SDK1: variants seen among roughly 807,000 people sequenced by gnomAD.
SDK1 encodes sidekick cell adhesion molecule 1, also known as protein sidekick-1.
SDK1 carries 157 observed loss-of-function variants against 245.5 expected under a neutral mutation model. The ratio of observed to expected loss-of-function variants is 0.64; its 90% CI spans 0.56 to 0.73. The LOEUF is 0.73. Ranked by LOEUF, SDK1 falls within the 30% of genes least tolerant of loss-of-function variation. SDK1 has a pLI of 0.00. For missense variants in SDK1, 3,583 were observed against 3,002.3 expected (o/e 1.19, Z -4.52); for synonymous variants, 1,647 against 1,278.5 (o/e 1.29, Z -6.15).
At chr7:4,047,736 G>A (rs1789124595) in intron 17 of SDK1, among the ~76,000 whole-genome samples, 1 of 152,190 alleles carries the variant, frequency 6.6e-6, no homozygotes, top group African/African-American at 2.4e-5. Flanking sequence ...CTGACTCCTT[G>A]GACAGGCCCA....
intron 44 of SDK1, among the ~76,000 whole-genome samples, chr7:4,248,568 C>G (rs1024104757): frequency 6.6e-6 from 1 of 151,908 alleles, no homozygotes; most frequent in African/African-American, 2.4e-5. Flanking sequence ...ACCTATACAC[C>G]TGAATACATG....
At chr7:3,574,024 C>T (rs931193166) in intron 1 of SDK1, among the ~76,000 whole-genome samples, 3 of 152,034 alleles carry the variant, frequency 2.0e-5, no homozygotes, top group Non-Finnish European at 4.4e-5. Context: ...TTCGGTTCTG[C>T]AGATAGGTTG....
intron 1 of SDK1, among the ~76,000 whole-genome samples, chr7:3,596,702 T>C (rs1409319817): frequency 6.6e-6 from 1 of 151,910 alleles, no homozygotes; most frequent in African/African-American, 2.4e-5. Context: ...GAAATCAAAA[T>C]GTTAAAAGAA....
chr7:4,023,156 C>T (rs894552393), intron 17 of SDK1, among the ~76,000 whole-genome samples: 6 of 152,204 alleles, frequency 3.9e-5, no homozygotes, highest in African/African-American at 1.2e-4. Flanking sequence ...CGCAAGCTCT[C>T]GGCATGGGCT....
At chr7:4,045,199 T>C (rs1287726586) in intron 17 of SDK1, among the ~76,000 whole-genome samples, 1 of 152,162 alleles carries the variant, frequency 6.6e-6, no homozygotes, top group Non-Finnish European at 1.5e-5. Context: ...ATGTTTGCAG[T>C]TTGGGGTGAT....
At chr7:4,011,140 G>A (rs1163875345) in intron 15 of SDK1, 27 bp downstream of exon 15, 2 of 1,610,178 alleles carry the variant, frequency 1.2e-6, no homozygotes, top group Non-Finnish European at 1.7e-6. Context: ...CCAGGTGGGG[G>A]TGTGGAACAG....
At chr7:3,377,892 C>T (rs1221330242) in intron 1 of SDK1, among the ~76,000 whole-genome samples, 3 of 152,134 alleles carry the variant, frequency 2.0e-5, no homozygotes, top group South Asian at 2.1e-4. Flanking sequence ...AATTCTCCTG[C>T]GTCAGCCTCC....
chr7:3,584,830 T>C (rs1583195930), intron 1 of SDK1, among the ~76,000 whole-genome samples: 1 of 152,120 alleles, frequency 6.6e-6, no homozygotes, highest in East Asian at 1.9e-4. Context: ...TTCACGCCGT[T>C]CTGCTGCCTC....
intron 1 of SDK1, among the ~76,000 whole-genome samples, chr7:3,434,824 C>A (rs570575916): frequency 2.0e-5 from 3 of 152,090 alleles, no homozygotes; most frequent in East Asian, 1.9e-4. Context: ...ACAGAGCACA[C>A]CCTAGTGGAG....
chr7:3,603,571 G>C (rs1781317847), intron 1 of SDK1, among the ~76,000 whole-genome samples: 1 of 152,044 alleles, frequency 6.6e-6, no homozygotes, highest in African/African-American at 2.4e-5. Flanking sequence ...ATCAGCTTGA[G>C]GAGATTTTGG....
In SDK1 at chr7:3,868,271, C is replaced by T. The variant is rs569782596; in HGVS notation, c.847+46688C>T. Among the ~76,000 whole-genome samples the T allele has an allele frequency of 2.6e-5, 4 of 152,224 alleles. No homozygotes were observed. The South Asian group carries it at 8.3e-4, about 32-fold the overall frequency. On this transcript the variant is annotated intron_variant, in intron 5 of 44. Coordinates refer to ENST00000404826, the MANE Select transcript of SDK1 (RefSeq NM_152744.4). ...CCAATCATTGATTCTGAAAAATGTG[C>T]CGCTTAGTTTATTCCAATGATTGGT...
intron 29 of SDK1, among the ~76,000 whole-genome samples, chr7:4,148,437 C>T (rs1360162179): frequency 2.6e-5 from 4 of 152,374 alleles, no homozygotes; most frequent in Admixed American, 6.5e-5. Flanking sequence ...AGGCACCCCG[C>T]GTCCCGCATC....
At chr7:3,571,635 TAAGGGA>T (rs1780119790) in intron 1 of SDK1, among the ~76,000 whole-genome samples, 1 of 152,100 alleles carries the variant, frequency 6.6e-6, no homozygotes, top group Non-Finnish European at 1.5e-5. Context: ...CAGTTTGTTC[TAAGGGA>T]ATTCAAAGCT....
At chr7:4,252,041 C>T (rs1381017724) in intron 44 of SDK1, among the ~76,000 whole-genome samples, 1 of 152,184 alleles carries the variant, frequency 6.6e-6, no homozygotes, top group Non-Finnish European at 1.5e-5. Context: ...GCCCATTGTT[C>T]ATAGTGTATA....
intron 44 of SDK1, among the ~76,000 whole-genome samples, chr7:4,255,820 C>T (rs1787586264): frequency 6.6e-6 from 1 of 152,040 alleles, no homozygotes; most frequent in African/African-American, 2.4e-5. Flanking sequence ...GCTCAAGCAC[C>T]ACAGACTCTC....
intron 1 of SDK1, among the ~76,000 whole-genome samples, chr7:3,533,543 A>C (rs755435209): frequency 6.6e-6 from 1 of 152,216 alleles, no homozygotes; most frequent in Non-Finnish European, 1.5e-5. Context: ...TAAGATGTGA[A>C]ATCAGTTATC....
intron 1 of SDK1, among the ~76,000 whole-genome samples, chr7:3,523,908 T>C (rs1284151014): frequency 6.6e-6 from 1 of 152,184 alleles, no homozygotes; most frequent in East Asian, 1.9e-4. Context: ...GTGATTGTGG[T>C]TATAGCCCCT....
chr7:4,193,169 A>G (rs1562413746), intron 35 of SDK1, among the ~76,000 whole-genome samples: 1 of 134,594 alleles, frequency 7.4e-6, no homozygotes, highest in Non-Finnish European at 1.5e-5. Context: ...ATATTAAAAT[A>G]TTTATATATT....
At chr7:3,389,639 T>G (rs560341498) in intron 1 of SDK1, among the ~76,000 whole-genome samples, 1 of 152,188 alleles carries the variant, frequency 6.6e-6, no homozygotes, top group Non-Finnish European at 1.5e-5. Context: ...GTGGCTCAAG[T>G]CTGTAGTCCA....
Sources: gnomAD v4.1 joint callset for allele counts (sites outside exome capture counted in the v4.1 genomes callset) on GRCh38, gnomAD v4.1.1 for gene constraint, MANE v1.5 for transcripts, NCBI Gene and HGNC (gene_info 2026-07-23, HGNC 2026-07-21) for gene names.